SIPA1L1: variants seen among roughly 807,000 people sequenced by gnomAD.
SIPA1L1 encodes signal induced proliferation associated 1 like 1.
SIPA1L1 carries 26 observed loss-of-function variants against 162.7 expected under a neutral mutation model. That is an observed-to-expected ratio of 0.16 (90% CI 0.12 to 0.22). The LOEUF (loss-of-function observed/expected upper bound fraction) is 0.22, where lower values mean the gene tolerates loss of function less well. SIPA1L1 is among the 10% of genes least tolerant of loss of function. The pLI, the probability that SIPA1L1 is intolerant of heterozygous loss-of-function variation, is 1.00. For missense variants in SIPA1L1, 1,874 were observed against 2,241.0 expected, an observed-to-expected ratio of 0.84 and a Z score of 3.31; for synonymous variants, 829 against 837.4, an observed-to-expected ratio of 0.99 and a Z score of 0.17.
chr14:71,487,856 T>G (rs558179417), intron 2 of SIPA1L1, among the ~76,000 whole-genome samples: 18 of 152,332 alleles, frequency 1.2e-4, no homozygotes, highest in African/African-American at 4.3e-4. Flanking sequence ...AAGTTGTCAT[T>G]TAACACTTGA....
chr14:71,694,615 T>C (rs1348166762), intron 13 of SIPA1L1, among the ~76,000 whole-genome samples: 2 of 152,278 alleles, frequency 1.3e-5, no homozygotes, highest in African/African-American at 4.8e-5. Flanking sequence ...GAGAAGAAAA[T>C]CTTCTGAAAT....
intron 2 of SIPA1L1, among the ~76,000 whole-genome samples, chr14:71,381,885 A>G (rs1305577787): frequency 6.6e-6 from 1 of 152,126 alleles, no homozygotes. Flanking sequence ...ACCCATTGTG[A>G]TATTATGAAA....
intron 2 of SIPA1L1, among the ~76,000 whole-genome samples, chr14:71,331,805 T>C (rs996008605): frequency 6.6e-6 from 1 of 152,168 alleles, no homozygotes; most frequent in African/African-American, 2.4e-5. Context: ...GGTAGAATAC[T>C]TAACCACAGC....
intron 2 of SIPA1L1, among the ~76,000 whole-genome samples, chr14:71,463,053 T>C (rs2141951422): frequency 6.6e-6 from 1 of 152,368 alleles, no homozygotes; most frequent in East Asian, 1.9e-4. Context: ...CTTACAGTAA[T>C]CCACTGTCAT....
At chr14:71,490,840 C>G (rs564970313) in intron 2 of SIPA1L1, among the ~76,000 whole-genome samples, 3 of 152,202 alleles carry the variant, frequency 2.0e-5, no homozygotes, top group African/African-American at 7.2e-5. Flanking sequence ...AGTAGAATTT[C>G]TTTATAAAGA....
intron 2 of SIPA1L1, among the ~76,000 whole-genome samples, chr14:71,469,687 C>T (rs2047299318): frequency 6.6e-6 from 1 of 152,124 alleles, no homozygotes; most frequent in African/African-American, 2.4e-5. Flanking sequence ...CCCCTTTCAT[C>T]CATATTCTCA....
intron 5 of SIPA1L1, among the ~76,000 whole-genome samples, chr14:71,604,573 A>G (rs1486422943): frequency 6.6e-6 from 1 of 152,232 alleles, no homozygotes. Flanking sequence ...ACACTAAAAA[A>G]AGATGAGTTA....
intron 17 of SIPA1L1, among the ~76,000 whole-genome samples, chr14:71,713,723 C>T (rs747131703): frequency 2.6e-5 from 4 of 152,228 alleles, no homozygotes; most frequent in Non-Finnish European, 5.9e-5. Flanking sequence ...TACTCTGGCA[C>T]ACTGGGCTGT....
intron 2 of SIPA1L1, among the ~76,000 whole-genome samples, chr14:71,444,357 A>G (rs2045174570): frequency 6.6e-6 from 1 of 152,182 alleles, no homozygotes; most frequent in Non-Finnish European, 1.5e-5. Context: ...TCAAATTAGC[A>G]TTCACTCTCA....
At chr14:71,627,126 C>A (rs1363900802) in intron 7 of SIPA1L1, among the ~76,000 whole-genome samples, 3 of 105,348 alleles carry the variant, frequency 2.8e-5, no homozygotes, top group East Asian at 6.5e-4. Context: ...CTGGGACTTT[C>A]ACTACTTTTT....
intron 12 of SIPA1L1, among the ~76,000 whole-genome samples, chr14:71,677,003 T>C (rs1434534900): frequency 5.3e-5 from 8 of 152,160 alleles, no homozygotes; most frequent in Admixed American, 3.9e-4. Flanking sequence ...TAATGGGATG[T>C]CTGGGAAATG....
At chr14:71,707,809 G>T (rs1450560430) in intron 16 of SIPA1L1, among the ~76,000 whole-genome samples, 1 of 151,026 alleles carries the variant, frequency 6.6e-6, no homozygotes, top group East Asian at 1.9e-4. Flanking sequence ...TTTCTCTTGG[G>T]TATATATATA....
chr14:71,604,799 A>G (rs138355936), intron 5 of SIPA1L1, among the ~76,000 whole-genome samples: 17 of 152,176 alleles, frequency 1.1e-4, no homozygotes, highest in African/African-American at 3.9e-4. Flanking sequence ...AAGTGACTAC[A>G]CACTTTTCTC....
intron 21 of SIPA1L1, among the ~76,000 whole-genome samples, chr14:71,734,420 G>T (rs1180218612): frequency 2.0e-5 from 3 of 152,176 alleles, no homozygotes; most frequent in Non-Finnish European, 2.9e-5. Flanking sequence ...GTCAGCTGGG[G>T]TTTTTGTTTT....
At chr14:71,691,654 C>G (rs1002240212) in intron 13 of SIPA1L1, among the ~76,000 whole-genome samples, 1 of 152,106 alleles carries the variant, frequency 6.6e-6, no homozygotes, top group Non-Finnish European at 1.5e-5. Context: ...GTCACCACCC[C>G]CATCCCTAGG....
At chr14:71,620,828 G>A (rs575023734) in intron 6 of SIPA1L1, among the ~76,000 whole-genome samples, 1 of 152,256 alleles carries the variant, frequency 6.6e-6, no homozygotes, top group South Asian at 2.1e-4. Context: ...GAATTCTGTA[G>A]TCATAAGATT....
At chr14:71,475,947 G>A (rs1250629047) in intron 2 of SIPA1L1, among the ~76,000 whole-genome samples, 1 of 152,216 alleles carries the variant, frequency 6.6e-6, no homozygotes, top group Non-Finnish European at 1.5e-5. Flanking sequence ...TTGTTTAACA[G>A]TGTAATTGAG....
chr14:71,537,094 C>A (rs1053934161), intron 4 of SIPA1L1, among the ~76,000 whole-genome samples: 2 of 152,178 alleles, frequency 1.3e-5, no homozygotes, highest in African/African-American at 4.8e-5. Flanking sequence ...CTATTCACAG[C>A]CCTAATGGTA....
intron 2 of SIPA1L1, among the ~76,000 whole-genome samples, chr14:71,454,867 C>T (rs1162726201): frequency 6.6e-6 from 1 of 152,154 alleles, no homozygotes; most frequent in Non-Finnish European, 1.5e-5. Context: ...GCGGTTACTC[C>T]CTTTATCTGC....
Sources: gnomAD v4.1 joint callset for allele counts (sites outside exome capture counted in the v4.1 genomes callset) on GRCh38, gnomAD v4.1.1 for gene constraint, MANE v1.5 for transcripts, NCBI Gene and HGNC (gene_info 2026-07-23, HGNC 2026-07-21) for gene names.